Variants in ANXA8 observed in about 807,000 individuals in gnomAD.
ANXA8 encodes the protein annexin A8.
A neutral mutation model predicts 26.8 loss-of-function variants in ANXA8; 9 were observed. The ratio of observed to expected loss-of-function variants is 0.34; its 90% CI spans 0.20 to 0.59. ANXA8 has a LOEUF of 0.59. ANXA8 is among the 20% of genes least tolerant of loss of function. The probability of loss-of-function intolerance (pLI) is 0.84; values close to 1 mark genes in which losing one functional copy is unlikely to be tolerated. For missense variants in ANXA8, 83 were observed against 238.5 expected, an observed-to-expected ratio of 0.35 and a Z score of 4.29; for synonymous variants, 39 against 94.8, an observed-to-expected ratio of 0.41 and a Z score of 3.42.
chr10:47,558,715 T>G, the ANXA8 span, among the ~76,000 whole-genome samples: 15 of 151,840 alleles, frequency 9.9e-5, 1 homozygote, highest in Non-Finnish European at 1.9e-4. Flanking sequence ...AAAAATATAA[T>G]TTACTTTCCT....
At chr10:47,686,729 G>A in the ANXA8 span, among the ~76,000 whole-genome samples, 1 of 151,898 alleles carries the variant, frequency 6.6e-6, no homozygotes, top group Non-Finnish European at 1.5e-5. Context: ...CAAAAAAGCG[G>A]AATGTTTCAG....
chr10:47,507,558 T>C, the ANXA8 span: 1 of 1,527,658 alleles, frequency 6.5e-7, no homozygotes, highest in Non-Finnish European at 8.8e-7. Context: ...CTTTGTGTGA[T>C]ATGATGAGGT....
At chr10:47,547,545 C>T in the ANXA8 span, among the ~76,000 whole-genome samples, 1 of 90,598 alleles carries the variant, frequency 1.1e-5, no homozygotes, top group African/African-American at 4.2e-5. Flanking sequence ...GAGTGCTTTA[C>T]CAAATGTGTG....
chr10:47,593,518 G>A, the ANXA8 span, among the ~76,000 whole-genome samples: 2 of 149,874 alleles, frequency 1.3e-5, no homozygotes, highest in South Asian at 2.1e-4. Flanking sequence ...GACCCCACCT[G>A]CCAGCTCTTA....
chr10:47,637,433 A>G, the ANXA8 span, among the ~76,000 whole-genome samples: 1 of 150,234 alleles, frequency 6.7e-6, no homozygotes, highest in East Asian at 1.9e-4. Flanking sequence ...AAAATACTGT[A>G]ACATCCTTTG....
At chr10:47,501,465 T>G in the ANXA8 span, among the ~76,000 whole-genome samples, 1 of 137,274 alleles carries the variant, frequency 7.3e-6, no homozygotes, top group Non-Finnish European at 1.6e-5. Context: ...ATCCCAACAC[T>G]TTGGGAGGCC....
the ANXA8 span, chr10:47,753,079 G>A: frequency 1.1e-6 from 1 of 909,766 alleles, no homozygotes; most frequent in South Asian, 5.1e-5. Context: ...TTGCACTCCA[G>A]CCTGGGTGAC....
At chr10:47,735,110 C>A in the ANXA8 span, among the ~76,000 whole-genome samples, 3 of 150,832 alleles carry the variant, frequency 2.0e-5, no homozygotes, top group South Asian at 2.1e-4. Flanking sequence ...TTTTGTTTTG[C>A]CTTTTTTGAG....
the ANXA8 span, among the ~76,000 whole-genome samples, chr10:47,970,719 C>T: frequency 1.3e-5 from 2 of 151,402 alleles, no homozygotes; most frequent in African/African-American, 4.8e-5. Context: ...TTTGGAACTG[C>T]CAGTGTGTTT....
the ANXA8 span, among the ~76,000 whole-genome samples, chr10:47,651,595 A>G: frequency 3.3e-5 from 5 of 150,284 alleles, no homozygotes; most frequent in Non-Finnish European, 5.9e-5. Context: ...TGATGAATGG[A>G]TAAACAATAC....
the ANXA8 span, among the ~76,000 whole-genome samples, chr10:47,948,950 G>A: frequency 7.5e-6 from 1 of 132,586 alleles, no homozygotes; most frequent in Admixed American, 7.8e-5. Flanking sequence ...GCTTTGAGCT[G>A]GGAGGTGGTT....
At chr10:47,676,512 G>A in the ANXA8 span, among the ~76,000 whole-genome samples, 1 of 151,992 alleles carries the variant, frequency 6.6e-6, no homozygotes, top group Non-Finnish European at 1.5e-5. Context: ...ATGGGTTATG[G>A]CTATTCCATG....
the ANXA8 span, among the ~76,000 whole-genome samples, chr10:47,651,306 ACAAAACC>A: frequency 6.6e-6 from 1 of 151,220 alleles, no homozygotes; most frequent in Non-Finnish European, 1.5e-5. Context: ...AACCCAAAAA[ACAAAACC>A]CCAACAACTG....
chr10:47,989,444 C>T, the ANXA8 span, among the ~76,000 whole-genome samples: 9 of 124,406 alleles, frequency 7.2e-5, 1 homozygote, highest in African/African-American at 2.5e-4. Flanking sequence ...AAGCAGCTCC[C>T]GGGCTGGTTC....
chr10:47,510,935 AATTTATTT>A, the ANXA8 span, among the ~76,000 whole-genome samples: 308 of 112,240 alleles, frequency 2.7e-3, no homozygotes, highest in Middle Eastern at 4.9e-3. Flanking sequence ...TTAATTAATT[AATTTATTT>A]ATTTATTTAT....
chr10:47,681,783 G>C, the ANXA8 span, among the ~76,000 whole-genome samples: 1 of 124,074 alleles, frequency 8.1e-6, no homozygotes, highest in Non-Finnish European at 1.7e-5. Flanking sequence ...CAACCTGTCT[G>C]CCTCAGCCTC....
At chr10:47,721,450 G>A in the ANXA8 span, among the ~76,000 whole-genome samples, 3 of 139,206 alleles carry the variant, frequency 2.2e-5, no homozygotes, top group African/African-American at 7.8e-5. Flanking sequence ...CATTAAAGAT[G>A]TAGTGCTAGT....
the ANXA8 span, among the ~76,000 whole-genome samples, chr10:47,901,128 G>A: frequency 2.1e-5 from 3 of 142,460 alleles, no homozygotes; most frequent in African/African-American, 8.1e-5. Context: ...CCCCAGCCAA[G>A]CAAAAAATAC....
chr10:47,686,565 C>T, the ANXA8 span, among the ~76,000 whole-genome samples: 12 of 151,968 alleles, frequency 7.9e-5, no homozygotes, highest in East Asian at 1.7e-3. Flanking sequence ...AATTAAGCTC[C>T]TTAAAGCTCT....
Sources: allele counts gnomAD v4.1 joint callset (sites outside exome capture counted in the v4.1 genomes callset), GRCh38; gene constraint gnomAD v4.1.1; transcripts MANE v1.5; gene names NCBI Gene and HGNC (gene_info 2026-07-23, HGNC 2026-07-21).